Variants in NIBAN3 observed in about 807,000 individuals in gnomAD.
The protein encoded by NIBAN3 is niban apoptosis regulator 3.
Under a neutral mutation model 76.4 loss-of-function variants are expected in NIBAN3, and 66 were observed. That is an observed-to-expected ratio of 0.86 (90% CI 0.71 to 1.06). The LOEUF is 1.06. NIBAN3 is among the 50% of genes least tolerant of loss of function. The pLI, the probability that NIBAN3 is intolerant of heterozygous loss-of-function variation, is 0.00. For synonymous variants in NIBAN3, 360 were observed against 355.2 expected (o/e 1.01, Z -0.15); for missense variants, 808 against 810.7 (o/e 1.00, Z 0.04).
At chr19:17,540,120 G>T (rs1305908301) in intron 8 of NIBAN3, 1 of 417,574 alleles carries the variant, frequency 2.4e-6, no homozygotes. Flanking sequence ...GGGCCAATGC[G>T]GGTGGGCGGG....
In NIBAN3 at chr19:17,539,676, A is replaced by T; in HGVS notation, c.890A>T (p.Asp297Val). Residue 297 changes from aspartate (D) to valine (V), a missense_variant, in exon 8 of 15, where the codon GAC (aspartate) becomes GTC (valine). Transcript: ENST00000599164. ...AGLCAFQPEK[D>V]ELLASLEKTI... ...CTCTGCGCCTTCCAGCCCGAAAAGG[A>T]CGAGCTGCTTGCGTCGCTGGAGAAG... 1 of 1,558,760 alleles carries T rather than the reference A, an allele frequency of 6.4e-7. No homozygotes were observed. Among genetic ancestry groups the T allele is most frequent in the Non-Finnish European group, 8.7e-7 (1 of 1,151,724 alleles).
At position 17,553,496 on chromosome 19, in the gene NIBAN3, T is replaced by G. The variant is rs972566675; in HGVS notation, c.*1598T>G. On this transcript the variant is annotated 3_prime_UTR_variant, in exon 15 of 15. Coordinates refer to ENST00000599164, the MANE Select transcript of NIBAN3 (RefSeq NM_001321827.2). ...TTCTTGGTTCAGCTTGCAGAGGGAC[T>G]TTCACACTCCCTGGAGACCGTTTCC... The G allele has an allele frequency of 2.5e-6, 4 of 1,614,104 alleles. No homozygotes were observed. The African/African-American group carries it at 5.3e-5, about 22-fold the overall frequency.
At chr19:17,533,038 T>G (rs757435348) in intron 3 of NIBAN3, among the ~76,000 whole-genome samples, 1 of 152,060 alleles carries the variant, frequency 6.6e-6, no homozygotes, top group Non-Finnish European at 1.5e-5. Context: ...TTTGGGAGGC[T>G]GAGGCAAATA....
chr19:17,549,533 G>A lies in NIBAN3; in HGVS notation c.1750+6G>A, dbSNP rs1380268975. 1.9e-6 allele frequency: 3 copies of A among 1,608,920 alleles called. No homozygotes were observed. The highest frequency in any genetic ancestry group is 3.3e-5 in the Admixed American group (2 of 60,008). Reference sequence around the variant, plus strand: ...ATGGGAACAGGAGGGAGCAGGTGGGGAACTTCACAGGCTTCTGAAACATGC... The same window carrying A: ...ATGGGAACAGGAGGGAGCAGGTGGGAAACTTCACAGGCTTCTGAAACATGC... On this transcript the variant is annotated splice_donor_region_variant and intron_variant, in intron 14 of 14. Transcript: ENST00000599164.
chr19:17,546,572 C>T, intron 12 of NIBAN3, 114 bp from the exon 13 acceptor site: 2 of 1,298,748 alleles, frequency 1.5e-6, no homozygotes, highest in Non-Finnish European at 2.0e-6. Flanking sequence ...AGGCCCAAGC[C>T]CCGCCCCCCA....
At chr19:17,547,855 T>TG (rs1459899653) in intron 13 of NIBAN3, among the ~76,000 whole-genome samples, 3 of 151,594 alleles carry the variant, frequency 2.0e-5, no homozygotes, top group Non-Finnish European at 4.4e-5. Context: ...TTAGTAGAGA[T>TG]GGGGTTTCAC....
chr19:17,549,228 T>C (rs1421629111), intron 13 of NIBAN3, among the ~76,000 whole-genome samples: 9 of 152,150 alleles, frequency 5.9e-5, no homozygotes, highest in African/African-American at 2.4e-5. Context: ...TAGAGCAGCA[T>C]GTTGGGAGGT....
chr19:17,539,574 C>T (rs759105338), intron 7 of NIBAN3, 29 bp from the exon 8 acceptor site: 70 of 1,505,636 alleles, frequency 4.6e-5, no homozygotes, highest in Middle Eastern at 3.5e-4. Context: ...CGTGTCTCGG[C>T]TTTGTCCCCC....
intron 12 of NIBAN3, chr19:17,546,182 G>A (rs898300572): frequency 1.2e-5 from 2 of 167,494 alleles, no homozygotes; most frequent in Admixed American, 5.8e-5. Flanking sequence ...GTAGAGTGAG[G>A]ATTATTATAA....
upstream of NIBAN3, among the ~76,000 whole-genome samples, chr19:17,525,673 G>A (rs1298166624): frequency 2.6e-5 from 4 of 152,214 alleles, 1 homozygote; most frequent in Admixed American, 2.6e-4. Flanking sequence ...GCAGGGGGCT[G>A]AGTGGAGCCA....
At chr19:17,537,280 GCAAC>G in intron 4 of NIBAN3, 92 bp from the exon 5 acceptor site, 1 of 1,224,292 alleles carries the variant, frequency 8.2e-7, no homozygotes, top group Non-Finnish European at 1.2e-6. Context: ...TATTTATCGA[GCAAC>G]TGCCCATGCC....
Position 17,551,972 on chromosome 19 carries a change from G to A in NIBAN3, c.*74G>A. ...GGAATTTCTGGGCCAAAACGGATGT[G>A]CCATCTTTAGGCTTTTGTAACCCCT... is the stretch of plus-strand genomic sequence containing the variant. On this transcript the variant is annotated 3_prime_UTR_variant, in exon 15 of 15. Transcript: ENST00000599164. The A allele has an allele frequency of 1.5e-6, 1 of 678,910 alleles. No homozygotes were observed. Among genetic ancestry groups the A allele is most frequent in the East Asian group, 2.6e-5 (1 of 38,266 alleles). The allele number at this position is 678,910 out of a possible 1,614,324, so 42.1% of individuals were successfully genotyped here.
At chr19:17,533,415 C>CAA in intron 3 of NIBAN3, 172 bp from the exon 4 acceptor site, 39 of 428,732 alleles carry the variant, frequency 9.1e-5, no homozygotes, top group East Asian at 4.7e-4. Flanking sequence ...GTCTCAAAAA[C>CAA]AAAAAAAAAA....
At position 17,542,232 on chromosome 19, in the gene NIBAN3, G is replaced by A. The variant is rs1020235487; in HGVS notation, c.1267G>A (p.Ala423Thr). The change falls in exon 10 of 15, where the codon GCA (alanine) becomes ACA (threonine). Residue 423 changes from alanine to threonine, a missense_variant. Coordinates refer to ENST00000599164, the MANE Select transcript of NIBAN3 (RefSeq NM_001321827.2). This position sits in a 1 kb window ranked among gnomAD's most constrained non-coding sequence, Gnocchi z 4.8. ...CCGGGGGCGCTTGGGGCAGCTGGCA[G>A]CACCGTTTGGCTTTCTGGGGATGCA... is the stretch of plus-strand genomic sequence containing the variant. Reference protein sequence around the residue: ...RSRGRLGQLAAPFGFLGMQSL... With the variant: ...RSRGRLGQLATPFGFLGMQSL... 1.2e-6 allele frequency: 2 copies of A among 1,609,002 alleles called. No homozygotes were observed. The highest frequency in any genetic ancestry group is 3.5e-5 in the Admixed American group (2 of 57,094).
At position 17,553,374 on chromosome 19, in the gene NIBAN3, C is replaced by G. The variant is rs1299346028; in HGVS notation, c.*1476C>G. The G allele has an allele frequency of 3.1e-6, 5 of 1,614,200 alleles. No homozygotes were observed. In the South Asian group the frequency reaches 5.5e-5, roughly 18 times the overall value. ...GGAGACAAGCTTTTACCGACTTCCT[C>G]TGCTTGCCAGCAAAGTCATCTGCTA... On this transcript the variant is annotated 3_prime_UTR_variant, in exon 15 of 15. Transcript: ENST00000599164.
chr19:17,533,521 A>G, intron 3 of NIBAN3, 66 bp from the exon 4 acceptor site: 1 of 1,046,652 alleles, frequency 9.6e-7, no homozygotes, highest in East Asian at 2.4e-5. Flanking sequence ...CCTTGATGGT[A>G]TAGTTGGGAC....
At chr19:17,539,581 C>T (rs1373202844) in intron 7 of NIBAN3, 22 bp from the exon 8 acceptor site, 23 of 1,514,502 alleles carry the variant, frequency 1.5e-5, no homozygotes, top group African/African-American at 2.8e-5. Flanking sequence ...CGGCTTTGTC[C>T]CCCCTCGACC....
chr19:17,534,740 G>A (rs1312746691), intron 4 of NIBAN3, among the ~76,000 whole-genome samples: 6 of 147,618 alleles, frequency 4.1e-5, no homozygotes, highest in African/African-American at 1.0e-4. Context: ...GCAGTGAGCC[G>A]AGATCGCGCC....
chr19:17,530,910 G>A (rs1050121845), intron 2 of NIBAN3, 25 bp downstream of exon 2: 26 of 1,608,070 alleles, frequency 1.6e-5, no homozygotes, highest in African/African-American at 2.7e-5. Flanking sequence ...GGCAGAGGAC[G>A]TTTGAGTGTT....
Sources: gnomAD v4.1 joint callset for allele counts (sites outside exome capture counted in the v4.1 genomes callset) on GRCh38, gnomAD v4.1.1 for gene constraint, Gnocchi (gnomAD v3.1) non-coding constraint, MANE v1.5 for transcripts, NCBI Gene and HGNC (gene_info 2026-07-23, HGNC 2026-07-21) for gene names.